ARHGEF11: variants seen among roughly 807,000 people sequenced by gnomAD.
ARHGEF11 encodes Rho guanine exchange factor (GEF) 11.
In ARHGEF11, 55 loss-of-function variants were observed where a neutral mutation model predicts 193.7. The ratio of observed to expected loss-of-function variants is 0.28; its 90% CI spans 0.23 to 0.36. The LOEUF (loss-of-function observed/expected upper bound fraction) is 0.36, where lower values mean the gene tolerates loss of function less well. Among genes scored for constraint, ARHGEF11 ranks in the 10% least tolerant of loss-of-function variants. ARHGEF11 has a pLI of 1.00. For missense variants in ARHGEF11, 1,723 were observed against 2,005.6 expected, an observed-to-expected ratio of 0.86 and a Z score of 2.69; for synonymous variants, 693 against 768.0, an observed-to-expected ratio of 0.90 and a Z score of 1.62.
At chr1:156,966,248 A>C (rs1396732276) in intron 11 of ARHGEF11, among the ~76,000 whole-genome samples, 1 of 152,170 alleles carries the variant, frequency 6.6e-6, no homozygotes, top group African/African-American at 2.4e-5. Context: ...CTCCTCCTGG[A>C]CTCAGTGATT....
chr1:156,946,386 T>A (rs1571183782), intron 28 of ARHGEF11, among the ~76,000 whole-genome samples: 2 of 152,258 alleles, frequency 1.3e-5, no homozygotes, highest in South Asian at 4.1e-4. Context: ...AGGGCAGGCA[T>A]ATTGCTGCCA....
At chr1:156,943,831 G>A in intron 32 of ARHGEF11, 104 bp downstream of exon 32, 1 of 1,356,008 alleles carries the variant, frequency 7.4e-7, no homozygotes, top group Non-Finnish European at 1.0e-6. Context: ...AACACAGGTG[G>A]ACAGGTAGGT....
intron 9 of ARHGEF11, 23 bp from the exon 10 acceptor site, chr1:156,969,381 A>G: frequency 6.3e-7 from 1 of 1,586,610 alleles, no homozygotes; most frequent in Non-Finnish European, 8.6e-7. Context: ...TAGTTTCTAT[A>G]ACACAGAAGG....
At chr1:157,025,862 T>C (rs943826413) in intron 1 of ARHGEF11, among the ~76,000 whole-genome samples, 1 of 152,178 alleles carries the variant, frequency 6.6e-6, no homozygotes, top group Non-Finnish European at 1.5e-5. Flanking sequence ...TGGCTCCTTC[T>C]TCATGCCCAG....
chr1:156,981,844 A>C (rs1664227178), intron 3 of ARHGEF11, among the ~76,000 whole-genome samples: 2 of 152,370 alleles, frequency 1.3e-5, no homozygotes, highest in Admixed American at 1.3e-4. Context: ...AAAACACTAA[A>C]GCCAAAACAA....
At chr1:156,961,162 C>G (rs192088433) in intron 14 of ARHGEF11, among the ~76,000 whole-genome samples, 1 of 152,220 alleles carries the variant, frequency 6.6e-6, no homozygotes, top group South Asian at 2.1e-4. Context: ...CTCTTGCCAG[C>G]GGGATCCCTG....
intron 14 of ARHGEF11, 112 bp downstream of exon 14, chr1:156,961,565 T>C (rs920838838): frequency 2.5e-4 from 223 of 895,318 alleles, no homozygotes; most frequent in Admixed American, 2.5e-4. Context: ...CAGCCTAGAT[T>C]TCTCTTTAAG....
At chr1:156,980,515 C>G in intron 3 of ARHGEF11, 29 bp from the exon 4 acceptor site, 1 of 1,575,084 alleles carries the variant, frequency 6.3e-7, no homozygotes, top group Non-Finnish European at 8.6e-7. Flanking sequence ...GTCAGCAGTG[C>G]CCAACAACCT....
At chr1:156,945,873 C>T in intron 29 of ARHGEF11, 172 bp downstream of exon 29, 1 of 587,920 alleles carries the variant, frequency 1.7e-6, no homozygotes, top group African/African-American at 1.9e-5. Flanking sequence ...CTTATATTTT[C>T]CAAAGGACAT....
rs1167654850 is a variant in ARHGEF11, at chr1:156,978,246, A to G, written c.468T>C (p.Pro156=). 1 of 1,614,086 alleles carries G rather than the reference A, an allele frequency of 6.2e-7. No homozygotes were observed. Among genetic ancestry groups the G allele is most frequent in the East Asian group, 2.2e-5 (1 of 44,880 alleles). Residue 156 remains proline (P), a synonymous_variant, in exon 6 of 41, where the codon CCT becomes CCC. Transcript: ENST00000368194. ...CTGTGATGCGTTGTGGAGGTGGTAG[A>G]GGTGGAGGAGGTGGTGGTGAGGGGA... The part of the protein sequence containing the change: ...SVIPSPPPPP[P]LPPPQRITGP...
chr1:156,976,158 T>G (rs1242884777), intron 7 of ARHGEF11, among the ~76,000 whole-genome samples: 1 of 152,148 alleles, frequency 6.6e-6, no homozygotes, highest in Non-Finnish European at 1.5e-5. Context: ...TAGCAAGGAC[T>G]CAGTGCTTGT....
intron 1 of ARHGEF11, among the ~76,000 whole-genome samples, chr1:157,033,511 G>A (rs538918796): frequency 4.6e-5 from 7 of 152,036 alleles, no homozygotes; most frequent in Non-Finnish European, 1.0e-4. Context: ...TGTCTGCACT[G>A]TAGCCATGGT....
In ARHGEF11 at chr1:156,935,685, G is replaced by A. The variant is rs113264656; in HGVS notation, c.*315C>T. ...GTCTGAGGGCAGCGCACATACAGGCGTGCGCGTGTACACACATATGTGGGG... is the reference window on the plus strand; with the variant it reads ...GTCTGAGGGCAGCGCACATACAGGCATGCGCGTGTACACACATATGTGGGG... On this transcript the variant is annotated 3_prime_UTR_variant, in exon 41 of 41. Coordinates refer to ENST00000368194, the MANE Select transcript of ARHGEF11 (RefSeq NM_198236.3). 1.0e-5 allele frequency: 3 copies of A among 299,576 alleles called. No individual in the cohort carries two copies. Among genetic ancestry groups the A allele is most frequent in the Middle Eastern group, 9.2e-4 (1 of 1,088 alleles). 18.6% of individuals were successfully genotyped at this position (299,576 alleles called of 1,614,324 possible).
At chr1:156,969,456 G>T in intron 9 of ARHGEF11, 98 bp from the exon 10 acceptor site, 2 of 1,135,780 alleles carry the variant, frequency 1.8e-6, no homozygotes, top group Non-Finnish European at 2.6e-6. Context: ...GGAAGAGGGA[G>T]CTGCCACCTT....
chr1:157,013,913 C>T (rs12037697), intron 1 of ARHGEF11, among the ~76,000 whole-genome samples: 32,116 of 152,114 alleles, frequency 0.21, 3,638 homozygotes, highest in East Asian at 0.44. Context: ...TCCTTTGTAT[C>T]CCCAGTCCTC....
rs1349670533 is a variant in ARHGEF11, at chr1:156,945,005, C to T, written c.2991+14G>A. ...AAGTGTGAGGGGTTGACTGCTGCAG[C>T]CTCTGCCTCCTACCTTGAACTCTGC... On this transcript the variant is annotated intron_variant, in intron 30 of 40. Coordinates refer to ENST00000368194, the MANE Select transcript of ARHGEF11 (RefSeq NM_198236.3). 6.2e-7 allele frequency: 1 copy of T among 1,611,244 alleles called. No homozygotes were observed. Among genetic ancestry groups the T allele is most frequent in the Non-Finnish European group, 8.5e-7 (1 of 1,179,250 alleles).
At chr1:156,997,162 C>T (rs1016586156) in intron 1 of ARHGEF11, among the ~76,000 whole-genome samples, 1 of 152,020 alleles carries the variant, frequency 6.6e-6, no homozygotes, top group Non-Finnish European at 1.5e-5. Flanking sequence ...AGACACCATG[C>T]CCAGCCAGGA....
intron 1 of ARHGEF11, among the ~76,000 whole-genome samples, chr1:156,992,355 G>C (rs917046653): frequency 2.0e-5 from 3 of 152,160 alleles, no homozygotes; most frequent in Middle Eastern, 3.4e-3. Context: ...CTCCTCCAAG[G>C]CTCCCTGTGG....
intron 10 of ARHGEF11, 53 bp downstream of exon 10, chr1:156,969,229 G>A (rs1662175971): frequency 1.3e-6 from 2 of 1,497,294 alleles, no homozygotes; most frequent in Non-Finnish European, 9.1e-7. Flanking sequence ...TTGGGTCAAG[G>A]GAAGGGACCC....
Sources: allele counts gnomAD v4.1 joint callset (sites outside exome capture counted in the v4.1 genomes callset), GRCh38; gene constraint gnomAD v4.1.1; transcripts MANE v1.5; gene names NCBI Gene and HGNC (gene_info 2026-07-23, HGNC 2026-07-21).